The following ZNF185 variants were observed in gnomAD, a reference collection of about 807,000 sequenced individuals.
The protein encoded by ZNF185 is zinc finger protein 185.
A neutral mutation model predicts 58.6 loss-of-function variants in ZNF185; 56 were observed. The ratio of observed to expected loss-of-function variants is 0.95; its 90% CI spans 0.77 to 1.19. The LOEUF is 1.19. ZNF185 is among the 50% of genes most tolerant of loss of function. ZNF185 has a pLI of 0.00. For missense variants in ZNF185, 627 were observed against 573.5 expected, an observed-to-expected ratio of 1.09 and a Z score of -0.95; for synonymous variants, 230 against 215.9, an observed-to-expected ratio of 1.07 and a Z score of -0.57.
chrX:152,918,856 C>A, intron 6 of ZNF185, 127 bp from the exon 8 acceptor site: 2 of 481,830 alleles, frequency 4.2e-6, no homozygotes, highest in South Asian at 6.5e-5. Flanking sequence ...CAGGGAGGAA[C>A]AAGTGGCATG....
intron 16 of ZNF185, among the ~76,000 whole-genome samples, chrX:152,952,640 T>C (rs2048402527): frequency 1.8e-5 from 2 of 109,726 alleles, no homozygotes; most frequent in South Asian, 7.8e-4. Flanking sequence ...TAGGGGTATG[T>C]AGGAGGTAGA....
upstream of ZNF185, among the ~76,000 whole-genome samples, chrX:152,910,149 C>G (rs1039518451): frequency 2.7e-5 from 3 of 110,994 alleles, no homozygotes; most frequent in Admixed American, 9.6e-5. Flanking sequence ...CTCAGGTGAT[C>G]CACCCACCTT....
intron 20 of ZNF185, among the ~76,000 whole-genome samples, chrX:152,968,041 T>G (rs782450861): frequency 9.0e-6 from 1 of 111,514 alleles, no homozygotes; most frequent in African/African-American, 3.3e-5. Context: ...CAAAGCTACA[T>G]TGGGGAGGAA....
In ZNF185 at chrX:152,963,837, A is replaced by G; in HGVS notation, c.1608-2A>G. On this transcript the variant is annotated splice_acceptor_variant, in intron 17 of 22. Transcript: ENST00000449285. LOFTEE classifies it high-confidence loss of function. ...GCCCACCCCTCCCTTTATTTCTTTC[A>G]GGGTGAGGAGCCCCTCGAGCTGCAT... The G allele has an allele frequency of 5.0e-6, 6 of 1,208,392 alleles. No individual in the cohort carries two copies. Among genetic ancestry groups the G allele is most frequent in the Non-Finnish European group, 5.6e-6 (5 of 893,652 alleles).
At chrX:152,903,061 A>G in the ZNF185 span, among the ~76,000 whole-genome samples, 1 of 111,139 alleles carries the variant, frequency 9.0e-6, no homozygotes, top group East Asian at 2.8e-4. Flanking sequence ...GTGTGTGTGT[A>G]GGCGGGGGTG....
intron 15 of ZNF185, among the ~76,000 whole-genome samples, chrX:152,944,470 G>GT (rs1176425433): frequency 1.8e-5 from 2 of 112,381 alleles, no homozygotes; most frequent in Non-Finnish European, 3.8e-5. Flanking sequence ...CCAACTTGGT[G>GT]TTTGCCCCTG....
At chrX:152,947,044 C>G (rs944200433) in intron 16 of ZNF185, among the ~76,000 whole-genome samples, 1 of 111,902 alleles carries the variant, frequency 8.9e-6, no homozygotes, top group Non-Finnish European at 1.9e-5. Flanking sequence ...TTTGCTTACA[C>G]CAGGGGCAAG....
At chrX:152,903,818 G>C in the ZNF185 span, among the ~76,000 whole-genome samples, 1 of 111,552 alleles carries the variant, frequency 9.0e-6, no homozygotes. Flanking sequence ...AGGAGCGGTG[G>C]GTGGCCCAGC....
chrX:152,917,350 G>A, exon 5 of ZNF185: 1 of 1,211,620 alleles, frequency 8.3e-7, no homozygotes, highest in Non-Finnish European at 1.1e-6. Flanking sequence ...AAGGCCAACG[G>A]GACTCCAAAA....
At chrX:152,953,298 G>GAA (rs1556901709) in intron 16 of ZNF185, among the ~76,000 whole-genome samples, 1 of 112,040 alleles carries the variant, frequency 8.9e-6, no homozygotes, top group Non-Finnish European at 1.9e-5. Context: ...GAAGAGTTCT[G>GAA]TCTGCGAAGA....
At chrX:152,930,541 TGA>T (rs1278839491) in intron 12 of ZNF185, among the ~76,000 whole-genome samples, 6 of 111,107 alleles carry the variant, frequency 5.4e-5, no homozygotes, top group African/African-American at 2.0e-4. Context: ...CTCGCCATGT[TGA>T]GAGTGGGCCT....
chrX:152,918,274 C>A, intron 6 of ZNF185, 120 bp downstream of exon 7: 1 of 800,785 alleles, frequency 1.2e-6, no homozygotes, highest in Non-Finnish European at 1.8e-6. Flanking sequence ...GTCCCGCCTG[C>A]CTGACACTCC....
intron 17 of ZNF185, 72 bp from the exon 20 acceptor site, chrX:152,963,766 GA>G (rs2125944514): frequency 2.1e-6 from 2 of 971,510 alleles, no homozygotes; most frequent in South Asian, 4.4e-5. Context: ...GTTAGGCTCA[GA>G]AAAGCCTGTT....
At position 152,917,368 on chromosome X, in the gene ZNF185, T is replaced by A. The variant is rs1938710948; in HGVS notation, c.341+6T>A. The A allele has an allele frequency of 8.3e-7, 1 of 1,211,212 alleles. No homozygotes were observed. On this transcript the variant is annotated splice_donor_region_variant and intron_variant, in intron 5 of 22. Coordinates refer to ENST00000449285, the Ensembl canonical transcript of ZNF185. ...GCCAACGGGACTCCAAAAAGGTATG[T>A]CCATGGGGTGTTGGCCAGTCGGCCA...
At chrX:152,915,164 C>A (rs782739630) in exon 3 of ZNF185, 1 of 1,210,592 alleles carries the variant, frequency 8.3e-7, no homozygotes, top group East Asian at 3.0e-5. Context: ...CGGAGTCGCG[C>A]CACATCCTTT....
chrX:152,900,034 C>T, the ZNF185 span, among the ~76,000 whole-genome samples: 1 of 111,922 alleles, frequency 8.9e-6, no homozygotes, highest in South Asian at 3.8e-4. Flanking sequence ...TCACTTCCTG[C>T]TCAGCTCAAG....
intron 16 of ZNF185, among the ~76,000 whole-genome samples, chrX:152,955,252 TCCC>T (rs1325885801): frequency 4.5e-5 from 5 of 112,093 alleles, no homozygotes; most frequent in Non-Finnish European, 9.4e-5. Flanking sequence ...CTTTAACAAT[TCCC>T]CCTTTTTGGT....
rs782257130 is a variant in ZNF185 at position 152,918,186 on chromosome X, C to G, written c.431+32C>G. 4 of 1,168,416 alleles carry G rather than the reference C, an allele frequency of 3.4e-6. No homozygotes were observed. In the African/African-American group the frequency reaches 7.1e-5, roughly 21 times the overall value. On this transcript the variant is annotated intron_variant, in intron 6 of 22. Coordinates refer to ENST00000449285, the Ensembl canonical transcript of ZNF185. ...ATGCAACGCCAGGCTCAGCGTGGTT[C>G]CCTCCTCCAAGGAACAAGTCCAAAC...
At chrX:152,941,678 G>T in intron 15 of ZNF185, 1 of 1,162,614 alleles carries the variant, frequency 8.6e-7, no homozygotes, top group Non-Finnish European at 1.1e-6. Flanking sequence ...CGCAGTGCCC[G>T]CCGGGAAAAT....
Sources: allele counts gnomAD v4.1 joint callset (sites outside exome capture counted in the v4.1 genomes callset), GRCh38; gene constraint gnomAD v4.1.1; transcripts MANE v1.5; gene names NCBI Gene and HGNC (gene_info 2026-07-23, HGNC 2026-07-21).